Variants in PDE10A observed in about 807,000 individuals in gnomAD.
The protein encoded by PDE10A is cAMP and cAMP-inhibited cGMP 3',5'-cyclic phosphodiesterase 10A.
PDE10A carries 39 observed loss-of-function variants against 97.7 expected under a neutral mutation model. The observed-to-expected ratio is 0.40, with a 90% confidence interval of 0.31 to 0.52. PDE10A has a LOEUF of 0.52. Among genes scored for constraint, PDE10A ranks in the 20% least tolerant of loss-of-function variants. PDE10A has a pLI of 0.56. For synonymous variants in PDE10A, 371 were observed against 376.8 expected, an observed-to-expected ratio of 0.98 and a Z score of 0.18; for missense variants, 731 against 1,047.8, an observed-to-expected ratio of 0.70 and a Z score of 4.17.
In PDE10A at chr6:165,561,943, A is replaced by C. The variant is rs142142724; in HGVS notation, c.866-18375T>G. 2.6e-3 allele frequency among the ~76,000 whole-genome samples: 390 copies of C among 152,320 alleles called. 2 individuals carry two copies. The highest frequency in any genetic ancestry group is 0.025 in the South Asian group (119 of 4,830). On this transcript the variant is annotated intron_variant, in intron 1 of 21. Transcript: ENST00000539869. Reference sequence around the variant, plus strand: ...TCAAATTCTAGTAGAGAAATAAGAGAAAGTTTTTTTAAATCATTAAATTTG... The same window carrying C: ...TCAAATTCTAGTAGAGAAATAAGAGCAAGTTTTTTTAAATCATTAAATTTG...
chr6:165,545,971 T>C (rs997498059), intron 1 of PDE10A, among the ~76,000 whole-genome samples: 21 of 152,056 alleles, frequency 1.4e-4, no homozygotes, highest in Non-Finnish European at 2.1e-4. Context: ...GTGAGTGTTT[T>C]TGGCAGCTTT....
intron 1 of PDE10A, among the ~76,000 whole-genome samples, chr6:165,758,785 G>C (rs555879089): frequency 6.6e-6 from 1 of 152,096 alleles, no homozygotes; most frequent in Admixed American, 6.6e-5. Flanking sequence ...CTCTAAAAAG[G>C]TTCTTCCATT....
intron 1 of PDE10A, among the ~76,000 whole-genome samples, chr6:165,714,996 C>A (rs1475667214): frequency 6.6e-6 from 1 of 152,254 alleles, no homozygotes; most frequent in African/African-American, 2.4e-5. Flanking sequence ...CCGGTGTGAA[C>A]TGAGAGCTCT....
chr6:165,447,442 GT>G (rs1387566981), intron 5 of PDE10A, among the ~76,000 whole-genome samples: 1 of 152,252 alleles, frequency 6.6e-6, no homozygotes, highest in East Asian at 1.9e-4. Flanking sequence ...AGGATAAGGG[GT>G]TGGAGGTGAG....
intron 1 of PDE10A, among the ~76,000 whole-genome samples, chr6:165,685,875 T>G (rs57646364): frequency 0.075 from 11,444 of 152,254 alleles, 643 homozygotes; most frequent in East Asian, 0.27. Context: ...AATTTAAAAG[T>G]AGAATTTATA....
At chr6:165,406,866 G>T (rs1787219606) in intron 13 of PDE10A, among the ~76,000 whole-genome samples, 2 of 152,150 alleles carry the variant, frequency 1.3e-5, no homozygotes, top group Non-Finnish European at 2.9e-5. Flanking sequence ...CCCTGTCCTT[G>T]AACATCAGAT....
chr6:165,812,636 T>C (rs1191601761), intron 1 of PDE10A, among the ~76,000 whole-genome samples: 1 of 152,212 alleles, frequency 6.6e-6, no homozygotes, highest in Admixed American at 6.5e-5. Flanking sequence ...TCATTAATTA[T>C]GGTGTGGTGA....
intron 2 of PDE10A, among the ~76,000 whole-genome samples, chr6:165,508,625 G>T (rs1268913722): frequency 6.6e-6 from 1 of 151,872 alleles, no homozygotes; most frequent in Non-Finnish European, 1.5e-5. Flanking sequence ...CTCCACACTG[G>T]TGAGAGCATT....
At chr6:165,365,469 G>A (rs2128195777) in intron 18 of PDE10A, among the ~76,000 whole-genome samples, 1 of 152,302 alleles carries the variant, frequency 6.6e-6, no homozygotes. Flanking sequence ...GCTGGGGTGG[G>A]AAGATCATTT....
In PDE10A at chr6:165,962,462, C is replaced by T. The variant is rs139203794; in HGVS notation, c.-615+25067G>A. Among the ~76,000 whole-genome samples the T allele has an allele frequency of 5.8e-3, 887 of 152,328 alleles. 5 individuals are homozygous for T. The highest frequency in any genetic ancestry group is 0.017 in the African/African-American group (696 of 41,572). Reference sequence around the variant, plus strand: ...CACCATTTGGCTACTCATTCAGCTTCGCTCGGCTGCAGAATTCAGGTGGGA... The same window carrying T: ...CACCATTTGGCTACTCATTCAGCTTTGCTCGGCTGCAGAATTCAGGTGGGA... On this transcript the variant is annotated intron_variant, in intron 1 of 19. Transcript: ENST00000366882.
At chr6:165,521,176 C>G (rs1782108768) in intron 2 of PDE10A, among the ~76,000 whole-genome samples, 1 of 152,086 alleles carries the variant, frequency 6.6e-6, no homozygotes, top group Admixed American at 6.6e-5. Context: ...GTTTGGAGAG[C>G]TACAAACCAT....
chr6:165,731,457 G>A (rs1163953310), intron 1 of PDE10A, among the ~76,000 whole-genome samples: 1 of 152,152 alleles, frequency 6.6e-6, no homozygotes. Context: ...AGGCAGAAGA[G>A]CCCAGGAGAA....
chr6:165,962,521 T>G lies in PDE10A; in HGVS notation c.-615+25008A>C, dbSNP rs188893540. Reference sequence around the variant, plus strand: ...TCTGACAAAGTCATGGAGAAATACCTTTCCATGGGGCCCTGGGACAGGATG... The same window carrying G: ...TCTGACAAAGTCATGGAGAAATACCGTTCCATGGGGCCCTGGGACAGGATG... On this transcript the variant is annotated intron_variant, in intron 1 of 19. Transcript: ENST00000366882. 6.4e-4 allele frequency among the ~76,000 whole-genome samples: 97 copies of G among 152,146 alleles called. 1 individual carries two copies. Among genetic ancestry groups the G allele is most frequent in the African/African-American group, 2.2e-3 (90 of 41,562 alleles).
rs1783376762 is a variant in PDE10A at position 165,937,578 on chromosome 6, C to A, written c.-615+49951G>T. 1.3e-5 allele frequency among the ~76,000 whole-genome samples: 2 copies of A among 152,148 alleles called. 1 individual carries two copies. The highest frequency in any genetic ancestry group is 4.1e-4 in the South Asian group (2 of 4,832). ...ATTTATTGGAAGAGTTGGTACATGT[C>A]TTGACATCTTTATAGGCTAGAGAGT... On this transcript the variant is annotated intron_variant, in intron 1 of 19. Transcript: ENST00000366882.
intron 1 of PDE10A, among the ~76,000 whole-genome samples, chr6:165,653,349 A>G (rs529707365): frequency 6.6e-6 from 1 of 152,338 alleles, no homozygotes; most frequent in Non-Finnish European, 1.5e-5. Flanking sequence ...TGTAAGCACC[A>G]GCAAGGATGG....
intron 1 of PDE10A, among the ~76,000 whole-genome samples, chr6:165,797,147 A>T (rs1778852347): frequency 6.6e-6 from 1 of 152,190 alleles, no homozygotes; most frequent in African/African-American, 2.4e-5. Context: ...TGGAGTTCAG[A>T]TGACGTGTTG....
In PDE10A at chr6:165,930,359, G is replaced by T. The variant is rs148671030; in HGVS notation, c.-615+57170C>A. Among the ~76,000 whole-genome samples, 1,292 of 152,270 alleles carry T rather than the reference G, an allele frequency of 8.5e-3. 7 individuals carry two copies. Among genetic ancestry groups the T allele is most frequent in the Non-Finnish European group, 0.014 (956 of 68,024 alleles). On this transcript the variant is annotated intron_variant, in intron 1 of 19. Coordinates refer to the PDE10A transcript ENST00000366882. ...CAAGTGGCCCAAGAGAAGAGAGAGG[G>T]TGTGGGTGGCCACCCAGCAGGCAGG... is the stretch of plus-strand genomic sequence containing the variant.
intron 1 of PDE10A, among the ~76,000 whole-genome samples, chr6:165,883,535 G>A (rs539355110): frequency 3.5e-5 from 4 of 115,302 alleles, no homozygotes; most frequent in South Asian, 3.2e-4. Flanking sequence ...TTGAGACTCC[G>A]TCTCAAAAAA....
chr6:165,482,283 G>A (rs745510282), intron 3 of PDE10A, 32 bp downstream of exon 3: 3 of 1,383,390 alleles, frequency 2.2e-6, no homozygotes, highest in East Asian at 2.3e-5. Context: ...TTCCTATACT[G>A]CAGTAGTAGA....
Sources: allele counts gnomAD v4.1 joint callset (sites outside exome capture counted in the v4.1 genomes callset), GRCh38; gene constraint gnomAD v4.1.1; transcripts MANE v1.5; gene names NCBI Gene and HGNC (gene_info 2026-07-23, HGNC 2026-07-21).